Variants in TGFB2 observed in about 807,000 individuals in gnomAD.
The protein encoded by TGFB2 is transforming growth factor beta 2.
A neutral mutation model predicts 42.7 loss-of-function variants in TGFB2; 13 were observed. That is an observed-to-expected ratio of 0.30 (90% CI 0.20 to 0.48). The LOEUF (loss-of-function observed/expected upper bound fraction) is 0.48, where lower values mean the gene tolerates loss of function less well. Ranked by LOEUF, TGFB2 falls within the 20% of genes least tolerant of loss-of-function variation. The pLI, the probability that TGFB2 is intolerant of heterozygous loss-of-function variation, is 0.99. For missense variants in TGFB2, 390 were observed against 517.5 expected (o/e 0.75, Z 2.39); for synonymous variants, 193 against 193.6 (o/e 1.00, Z 0.03).
In TGFB2 at chr1:218,437,394, G is replaced by A. The variant is rs147678881; in HGVS notation, c.984G>A (p.Arg328=). 190 of 1,612,920 alleles carry A rather than the reference G, an allele frequency of 1.2e-4. No individual in the cohort carries two copies. Among genetic ancestry groups the A allele is most frequent in the Non-Finnish European group, 1.6e-4 (190 of 1,179,648 alleles). Residue 328 remains arginine, a synonymous_variant, in exon 6 of 7, where the codon AGG becomes AGA. Coordinates refer to ENST00000366930, the MANE Select transcript of TGFB2 (RefSeq NM_003238.6). ...GTCCACTTTACATTGATTTCAAGAG[G>A]GATCTAGGGTGGAAATGGATACACG... ...CLRPLYIDFK[R]DLGWKWIHEP...
chr1:218,436,771 C>G (rs544666143), intron 5 of TGFB2, among the ~76,000 whole-genome samples: 2 of 152,174 alleles, frequency 1.3e-5, no homozygotes, highest in East Asian at 3.9e-4. Flanking sequence ...CTCAAAATGT[C>G]AGAGGCCATG....
chr1:218,390,686 C>G (rs571623038), intron 1 of TGFB2, among the ~76,000 whole-genome samples: 26 of 152,316 alleles, frequency 1.7e-4, no homozygotes, highest in African/African-American at 5.5e-4. Flanking sequence ...CTCTCACAAA[C>G]AGTGGCCCAA....
intron 1 of TGFB2, among the ~76,000 whole-genome samples, chr1:218,354,586 G>A (rs1425655560): frequency 6.6e-6 from 1 of 152,150 alleles, no homozygotes; most frequent in Non-Finnish European, 1.5e-5. Context: ...TGACAGCTGA[G>A]GAAATGGAAA....
intron 2 of TGFB2, 107 bp downstream of exon 2, chr1:218,405,439 A>G (rs753653137): frequency 1.1e-5 from 18 of 1,577,850 alleles, no homozygotes; most frequent in Non-Finnish European, 1.5e-5. Context: ...ATCACAGCTC[A>G]CTGCAACCTT....
At chr1:218,393,051 C>T (rs751492584) in intron 1 of TGFB2, among the ~76,000 whole-genome samples, 12 of 152,148 alleles carry the variant, frequency 7.9e-5, no homozygotes, top group Non-Finnish European at 1.2e-4. Context: ...ATGCATTGGC[C>T]ATTACATGCA....
intron 2 of TGFB2, among the ~76,000 whole-genome samples, chr1:218,424,580 T>G (rs977979173): frequency 8.5e-5 from 13 of 152,150 alleles, no homozygotes; most frequent in African/African-American, 2.9e-4. Context: ...TAATGAGCAC[T>G]CCAGATGTTT....
At chr1:218,378,972 C>A (rs1314503510) in intron 1 of TGFB2, among the ~76,000 whole-genome samples, 2 of 152,036 alleles carry the variant, frequency 1.3e-5, no homozygotes, top group African/African-American at 2.4e-5. Context: ...CCTTCTCAGG[C>A]CAGCTCGGTC....
intron 6 of TGFB2, among the ~76,000 whole-genome samples, chr1:218,439,093 G>T (rs1324760758): frequency 7.3e-6 from 1 of 137,536 alleles, no homozygotes; most frequent in Non-Finnish European, 1.5e-5. Context: ...GGGTGGCAGA[G>T]TGAGATCCTG....
chr1:218,434,239 TC>T (rs1218286318), intron 3 of TGFB2, 25 bp downstream of exon 3: 2 of 1,612,772 alleles, frequency 1.2e-6, no homozygotes, highest in East Asian at 4.5e-5. Context: ...TCTCTTTTCC[TC>T]CCAAGATGTT....
chr1:218,409,232 C>T (rs1223389220), intron 2 of TGFB2, among the ~76,000 whole-genome samples: 1 of 152,212 alleles, frequency 6.6e-6, no homozygotes, highest in Non-Finnish European at 1.5e-5. Flanking sequence ...GGACCTGTAC[C>T]GTCCAGGTTG....
At chr1:218,413,232 G>C (rs1280435981) in intron 2 of TGFB2, among the ~76,000 whole-genome samples, 1 of 152,176 alleles carries the variant, frequency 6.6e-6, no homozygotes, top group Non-Finnish European at 1.5e-5. Flanking sequence ...AATTAGCTGG[G>C]CGCGGTGGCA....
chr1:218,403,117 A>G (rs1335313171), intron 1 of TGFB2, among the ~76,000 whole-genome samples: 1 of 152,264 alleles, frequency 6.6e-6, no homozygotes, highest in Non-Finnish European at 1.5e-5. Flanking sequence ...CCGCCCATCA[A>G]CTAATTCGCA....
Position 218,433,958 on chromosome 1 carries a change from T to TGCA in TGFB2, c.511-123_511-121dup, listed in dbSNP as rs1033770462. 20 of 1,284,350 alleles carry TGCA rather than the reference T, an allele frequency of 1.6e-5. No homozygotes were observed. In the African/African-American group the frequency reaches 2.8e-4, roughly 18 times the overall value. 79.6% of individuals were successfully genotyped at this position (1,284,350 alleles called of 1,614,324 possible). A position where few individuals can be genotyped will look rare whatever the true frequency, so the allele number is the denominator to read the frequency against. On this transcript the variant is annotated intron_variant, in intron 2 of 6. Coordinates refer to ENST00000366930, the MANE Select transcript of TGFB2 (RefSeq NM_003238.6). Reference sequence around the variant, plus strand: ...TGTGACCATGCAATTGAGATGACAATGCATGGCTATACTACAGTAGAGCTA... The same window carrying TGCA: ...TGTGACCATGCAATTGAGATGACAATGCAGCATGGCTATACTACAGTAGAGCTA...
chr1:218,395,810 T>C (rs1216202793), intron 1 of TGFB2, among the ~76,000 whole-genome samples: 1 of 152,030 alleles, frequency 6.6e-6, no homozygotes, highest in Non-Finnish European at 1.5e-5. Flanking sequence ...GAGACGGGAT[T>C]TCACCATGTT....
chr1:218,401,871 T>G (rs1347148234), intron 1 of TGFB2, among the ~76,000 whole-genome samples: 1 of 152,164 alleles, frequency 6.6e-6, no homozygotes, highest in African/African-American at 2.4e-5. Context: ...GTCTCCCTGC[T>G]CCGTGTATAG....
At chr1:218,419,369 G>A (rs1659383080) in intron 2 of TGFB2, among the ~76,000 whole-genome samples, 1 of 152,020 alleles carries the variant, frequency 6.6e-6, no homozygotes, top group African/African-American at 2.4e-5. Flanking sequence ...ACCTGCTCAG[G>A]GAGACCTTCT....
In TGFB2 at chr1:218,363,501, G is replaced by A. The variant is rs11466375; in HGVS notation, c.346+16454G>A. 8.6e-4 allele frequency: 1,177 copies of A among 1,366,352 alleles called. 13 individuals carry two copies. The African/African-American group carries it at 0.015, about 17-fold the overall frequency. 84.6% of individuals were successfully genotyped at this position (1,366,352 alleles called of 1,614,324 possible). A position where few individuals can be genotyped will look rare whatever the true frequency, so the allele number is the denominator to read the frequency against. ...AGTGTTTGTCTCCTGTGGGGAACTT[G>A]CCAGAGGCAAGATGAGATTCTGAAA... is the stretch of plus-strand genomic sequence containing the variant. On this transcript the variant is annotated intron_variant, in intron 1 of 6. Coordinates refer to ENST00000366930, the MANE Select transcript of TGFB2 (RefSeq NM_003238.6).
At chr1:218,382,139 A>T (rs1657982689) in intron 1 of TGFB2, among the ~76,000 whole-genome samples, 2 of 152,162 alleles carry the variant, frequency 1.3e-5, no homozygotes, top group Non-Finnish European at 1.5e-5. Flanking sequence ...ATTTTTGTGA[A>T]AATTAAGCTA....
rs201574411 is a variant in TGFB2 at position 218,441,633 on chromosome 1, GA to G, written c.*278del. The G allele has an allele frequency of 8.8e-4, 237 of 270,306 alleles. No individual in the cohort carries two copies. The highest frequency in any genetic ancestry group is 4.7e-3 in the African/African-American group (212 of 44,968). 16.7% of individuals were successfully genotyped at this position (270,306 alleles called of 1,614,324 possible). Reference sequence around the variant, plus strand: ...AGACAAGAAGCAAATTTTTTTTAAAGAAAAAAATAAACACTGGAAGAATTTA... The same window carrying G: ...AGACAAGAAGCAAATTTTTTTTAAAGAAAAAATAAACACTGGAAGAATTTA... On this transcript the variant is annotated 3_prime_UTR_variant, in exon 7 of 7. Coordinates refer to ENST00000366930, the MANE Select transcript of TGFB2 (RefSeq NM_003238.6).
Sources: allele counts gnomAD v4.1 joint callset (sites outside exome capture counted in the v4.1 genomes callset), GRCh38; gene constraint gnomAD v4.1.1; transcripts MANE v1.5; gene names NCBI Gene and HGNC (gene_info 2026-07-23, HGNC 2026-07-21).